The following MSR1 variants were observed in gnomAD, a reference collection of about 807,000 sequenced individuals.
MSR1 encodes the protein macrophage scavenger receptor types I and II.
MSR1 carries 53 observed loss-of-function variants against 47.2 expected under a neutral mutation model. The ratio of observed to expected loss-of-function variants is 1.12; its 90% CI spans 0.90 to 1.41. MSR1 has a LOEUF of 1.41. Ranked by LOEUF, MSR1 falls within the 40% of genes most tolerant of loss-of-function variation. The probability of loss-of-function intolerance (pLI) is 0.00; values close to 1 mark genes in which losing one functional copy is unlikely to be tolerated. For synonymous variants in MSR1, 239 were observed against 185.6 expected (o/e 1.29, Z -2.34); for missense variants, 786 against 546.9 (o/e 1.44, Z -4.36).
At chr8:16,173,536 A>G (rs1801549623) in intron 3 of MSR1, among the ~76,000 whole-genome samples, 1 of 152,192 alleles carries the variant, frequency 6.6e-6, no homozygotes, top group Admixed American at 6.5e-5. Flanking sequence ...TCAGACAACA[A>G]TAGTTTGGTT....
chr8:16,186,354 T>C (rs1252650721), intron 1 of MSR1: 2 of 657,288 alleles, frequency 3.0e-6, no homozygotes, highest in East Asian at 2.7e-5. Flanking sequence ...GCTTTAAATA[T>C]AATCTAGAAG....
chr8:16,174,484 T>C (rs999173848), intron 3 of MSR1, among the ~76,000 whole-genome samples: 3 of 152,186 alleles, frequency 2.0e-5, no homozygotes, highest in African/African-American at 7.2e-5. Flanking sequence ...TCTACCCTTG[T>C]AGAAACAGTC....
At chr8:16,161,327 T>C (rs957597157) in intron 5 of MSR1, among the ~76,000 whole-genome samples, 2 of 151,816 alleles carry the variant, frequency 1.3e-5, no homozygotes, top group African/African-American at 2.4e-5. Flanking sequence ...ACGCAACAGA[T>C]TTGGGGAGGC....
chr8:16,160,677 T>C (rs141970708), intron 5 of MSR1, among the ~76,000 whole-genome samples: 2,093 of 152,056 alleles, frequency 0.014, 57 homozygotes, highest in African/African-American at 0.048. Flanking sequence ...TAACTTCAAG[T>C]GGAGCCAAGA....
In MSR1 at chr8:16,164,203, T is replaced by A; in HGVS notation, c.679A>T (p.Met227Leu). 1 of 1,612,414 alleles carries A rather than the reference T, an allele frequency of 6.2e-7. No homozygotes were observed. The highest frequency in any genetic ancestry group is 8.5e-7 in the Non-Finnish European group (1 of 1,179,092). Residue 227 changes from methionine (M) to leucine (L), a missense_variant, in exon 5 of 10, where the codon ATG becomes TTG. Physicochemically the swap from Met to Leu is conservative, Grantham distance 15. Transcript: ENST00000262101. ...ERVYNVSAEI[M>L]AMKEEQVHLE... ...TGCACTTGTTCTTCTTTCATAGCCA[T>A]AATTTCTGCTGATACATTGTAAACA...
chr8:16,119,908 A>T (rs1799957698), intron 9 of MSR1, among the ~76,000 whole-genome samples: 1 of 129,284 alleles, frequency 7.7e-6, no homozygotes, highest in Admixed American at 8.6e-5. Context: ...TAGAGATAGG[A>T]TCTTACTATG....
intron 6 of MSR1, 101 bp from the exon 7 acceptor site, chr8:16,150,412 G>C (rs1800823960): frequency 2.0e-6 from 1 of 503,084 alleles, no homozygotes; most frequent in Non-Finnish European, 3.3e-6. Flanking sequence ...TATGAAATTA[G>C]AGAATCTTCA....
chr8:16,160,290 C>T (rs1801126211), intron 5 of MSR1, among the ~76,000 whole-genome samples: 1 of 151,964 alleles, frequency 6.6e-6, no homozygotes, highest in African/African-American at 2.4e-5. Flanking sequence ...ATGTTGAGAA[C>T]TAATGGTGGT....
chr8:16,167,390 C>T (rs1001604673), intron 4 of MSR1, among the ~76,000 whole-genome samples: 4 of 152,032 alleles, frequency 2.6e-5, no homozygotes, highest in African/African-American at 9.7e-5. Flanking sequence ...ACTAAAAATA[C>T]AGAAATTAGC....
intron 2 of MSR1, among the ~76,000 whole-genome samples, chr8:16,175,880 G>A (rs1231620491): frequency 6.6e-6 from 1 of 151,976 alleles, no homozygotes; most frequent in African/African-American, 2.4e-5. Context: ...CTTTAGAATG[G>A]ATCAATGAAG....
Position 16,168,832 on chromosome 8 carries a change from T to A in MSR1, c.256A>T (p.Ser86Cys), listed in dbSNP as rs998865803. ...LKWETKNCSV[S>C]STNANDITQS... ...GTTATATCATTTGCATTAGTTGAAC[T>A]AACTGAGCAATTCTTCGTTTCCCAC... Residue 86 changes from serine to cysteine, a missense_variant, in exon 4 of 10, where the codon AGT (serine) becomes TGT (cysteine). Ser to Cys is a moderately radical substitution (Grantham distance 112, BLOSUM62 -1). Transcript: ENST00000262101. The A allele has an allele frequency of 1.2e-6, 2 of 1,613,852 alleles. No homozygotes were observed. The highest frequency in any genetic ancestry group is 1.7e-6 in the Non-Finnish European group (2 of 1,179,990).
chr8:16,165,168 G>C (rs1303162028), intron 4 of MSR1, among the ~76,000 whole-genome samples: 1 of 151,858 alleles, frequency 6.6e-6, no homozygotes, highest in Non-Finnish European at 1.5e-5. Context: ...TTGACCAAAG[G>C]GACTAAACAT....
chr8:16,166,714 G>C (rs1871573), intron 4 of MSR1, among the ~76,000 whole-genome samples: 73,567 of 151,696 alleles, frequency 0.48, 18,671 homozygotes, highest in East Asian at 0.77. Context: ...CTTTCATTTG[G>C]TGCCAATGTT....
At chr8:16,180,073 C>T (rs2117216774) in intron 1 of MSR1, among the ~76,000 whole-genome samples, 1 of 149,344 alleles carries the variant, frequency 6.7e-6, no homozygotes, top group East Asian at 2.1e-4. Flanking sequence ...AGGTGTGAGC[C>T]ATTGTACCCG....
intron 8 of MSR1, among the ~76,000 whole-genome samples, chr8:16,131,592 T>C (rs572326021): frequency 3.9e-5 from 6 of 151,986 alleles, no homozygotes; most frequent in Non-Finnish European, 8.8e-5. Context: ...ATAGGTTATC[T>C]TTCAGAGTTT....
intron 8 of MSR1, among the ~76,000 whole-genome samples, chr8:16,139,133 T>A (rs529951427): frequency 6.6e-5 from 10 of 152,344 alleles, no homozygotes; most frequent in African/African-American, 2.4e-4. Flanking sequence ...CACACTTGCA[T>A]TGCTCTATCT....
intron 9 of MSR1, among the ~76,000 whole-genome samples, chr8:16,117,167 G>T (rs375240655): frequency 1.3e-5 from 2 of 152,074 alleles, no homozygotes; most frequent in South Asian, 2.1e-4. Flanking sequence ...ATTTACTGCC[G>T]CTCCCTATCA....
rs1301666676 is a variant in MSR1, at chr8:16,108,044, T to C, written c.*2041A>G. On this transcript the variant is annotated 3_prime_UTR_variant, in exon 10 of 10. Transcript: ENST00000262101. ...TTTTAGATTACTTATTAAAGATATATCTATGCATAAGTGGTAAATCAGCAT... is the reference window on the plus strand; with the variant it reads ...TTTTAGATTACTTATTAAAGATATACCTATGCATAAGTGGTAAATCAGCAT... The C allele has an allele frequency of 6.6e-6, 1 of 151,778 alleles. No homozygotes were observed. Among genetic ancestry groups the C allele is most frequent in the Admixed American group, 6.6e-5 (1 of 15,240 alleles). 9.4% of individuals were successfully genotyped at this position (151,778 alleles called of 1,614,324 possible).
chr8:16,149,021 A>G (rs1800774117), intron 7 of MSR1, among the ~76,000 whole-genome samples: 2 of 152,048 alleles, frequency 1.3e-5, no homozygotes, highest in South Asian at 4.1e-4. Context: ...CTGCCAAGAG[A>G]TTGTGGTGGG....
Sources: gnomAD v4.1 joint callset for allele counts (sites outside exome capture counted in the v4.1 genomes callset) on GRCh38, gnomAD v4.1.1 for gene constraint, MANE v1.5 for transcripts, NCBI Gene and HGNC (gene_info 2026-07-23, HGNC 2026-07-21) for gene names.